The following ENPP6 variants were observed in gnomAD, a reference collection of about 807,000 sequenced individuals.
ENPP6 encodes the protein ectonucleotide pyrophosphatase/phosphodiesterase 6.
ENPP6 carries 32 observed loss-of-function variants against 42.0 expected under a neutral mutation model. The observed-to-expected ratio is 0.76, with a 90% CI of 0.58 to 1.02. ENPP6 has a LOEUF of 1.02. ENPP6 is among the 50% of genes least tolerant of loss of function. The pLI, the probability that ENPP6 is intolerant of heterozygous loss-of-function variation, is 0.00. For synonymous variants in ENPP6, 213 were observed against 216.0 expected (o/e 0.99, Z 0.12); for missense variants, 552 against 566.8 (o/e 0.97, Z 0.27).
At chr4:184,207,182 G>T (rs1733015478) in intron 1 of ENPP6, among the ~76,000 whole-genome samples, 1 of 152,204 alleles carries the variant, frequency 6.6e-6, no homozygotes, top group Non-Finnish European at 1.5e-5. Context: ...ACTTATTTCA[G>T]CATCTGTTCA....
intron 1 of ENPP6, among the ~76,000 whole-genome samples, chr4:184,209,094 G>A (rs866707104): frequency 0.018 from 2,629 of 146,238 alleles, 47 homozygotes; most frequent in South Asian, 0.03. Flanking sequence ...GTACATCACC[G>A]TCATCAAAGA....
At chr4:184,131,824 C>CACACAT (rs1553996114) in intron 2 of ENPP6, among the ~76,000 whole-genome samples, 4 of 140,462 alleles carry the variant, frequency 2.8e-5, no homozygotes, top group African/African-American at 9.1e-5. Flanking sequence ...CACACACACA[C>CACACAT]ATATATATAT....
In ENPP6 at chr4:184,091,282, G is replaced by A. The variant is rs150978647; in HGVS notation, c.1218C>T (p.Ser406=). 6.2e-7 allele frequency: 1 copy of A among 1,613,844 alleles called. No homozygotes were observed. Among genetic ancestry groups the A allele is most frequent in the Non-Finnish European group, 8.5e-7 (1 of 1,179,968 alleles). Reference sequence around the variant, plus strand: ...TCAGCATGCACATCACCCTGGACCAGGATCCGTTGTTGGGCAGCGGGGTGA... The same window carrying A: ...TCAGCATGCACATCACCCTGGACCAAGATCCGTTGTTGGGCAGCGGGGTGA... ...VGITPLPNNG[S]WSRVMCMLKG... Residue 406 remains serine (S), a synonymous_variant, in exon 8 of 8, where the codon TCC becomes TCT. Coordinates refer to ENST00000296741, the MANE Select transcript of ENPP6 (RefSeq NM_153343.4).
chr4:184,147,893 C>A (rs551702518), intron 2 of ENPP6, among the ~76,000 whole-genome samples: 2 of 152,202 alleles, frequency 1.3e-5, no homozygotes, highest in South Asian at 2.1e-4. Context: ...CTCCTCCCTT[C>A]TTTCAGTGTC....
chr4:184,174,556 T>C (rs1285997605), intron 1 of ENPP6, among the ~76,000 whole-genome samples: 3 of 96,834 alleles, frequency 3.1e-5, no homozygotes, highest in Non-Finnish European at 7.1e-5. Context: ...TATCCTCCCA[T>C]TGACCTTCTG....
At chr4:184,117,963 C>G in intron 3 of ENPP6, 63 bp from the exon 4 acceptor site, 1 of 1,569,370 alleles carries the variant, frequency 6.4e-7, no homozygotes, top group Middle Eastern at 2.1e-4. Context: ...TCCCTTATCA[C>G]CCCCATAGCA....
At chr4:184,211,081 C>T (rs1270213071) in intron 1 of ENPP6, among the ~76,000 whole-genome samples, 1 of 149,976 alleles carries the variant, frequency 6.7e-6, no homozygotes, top group African/African-American at 2.5e-5. Context: ...GGGATGCATT[C>T]AAAGCAGTGT....
chr4:184,162,245 T>C (rs960778048), intron 1 of ENPP6, among the ~76,000 whole-genome samples: 2 of 152,174 alleles, frequency 1.3e-5, no homozygotes, highest in African/African-American at 2.4e-5. Context: ...TCCAGTGTTC[T>C]TGTTCAACTT....
chr4:184,213,572 T>C (rs1733151534), intron 1 of ENPP6, among the ~76,000 whole-genome samples: 1 of 151,030 alleles, frequency 6.6e-6, no homozygotes, highest in Non-Finnish European at 1.5e-5. Context: ...ATGGCAATCA[T>C]TAAAAACTCA....
At chr4:184,141,593 T>G (rs975509978) in intron 2 of ENPP6, among the ~76,000 whole-genome samples, 1 of 152,190 alleles carries the variant, frequency 6.6e-6, no homozygotes, top group Non-Finnish European at 1.5e-5. Flanking sequence ...GGAAATGCCC[T>G]TAATTAGGGC....
Position 184,217,674 on chromosome 4 carries a change from C to G in ENPP6, c.146G>C (p.Gly49Ala), listed in dbSNP as rs756834646. 1.3e-5 allele frequency: 21 copies of G among 1,614,090 alleles called. No homozygotes were observed. The Admixed American group carries it at 2.7e-4, about 20-fold the overall frequency. The part of the protein sequence containing the change: ...ISDEALESLP[G>A]FKEIVSRGVK... ...TCCCCTGCTCACAATCTCTTTGAAA[C>G]CAGGCAATGACTCCAGCGCCTCATC... is the stretch of plus-strand genomic sequence containing the variant. Residue 49 changes from glycine to alanine, a missense_variant, in exon 1 of 8, where the codon GGT becomes GCT. Coordinates refer to ENST00000296741, the MANE Select transcript of ENPP6 (RefSeq NM_153343.4).
intron 1 of ENPP6, among the ~76,000 whole-genome samples, chr4:184,163,055 G>A (rs2111085790): frequency 6.6e-6 from 1 of 152,314 alleles, no homozygotes; most frequent in Non-Finnish European, 1.5e-5. Flanking sequence ...ACCAGAGGAG[G>A]GCAGACAGGC....
intron 1 of ENPP6, among the ~76,000 whole-genome samples, chr4:184,197,833 A>G (rs1732827786): frequency 6.6e-6 from 1 of 152,234 alleles, no homozygotes; most frequent in African/African-American, 2.4e-5. Context: ...GGTTTGGGAC[A>G]AGGCCAGCCA....
At chr4:184,133,698 A>ATT (rs35142222) in intron 2 of ENPP6, among the ~76,000 whole-genome samples, 255 of 147,900 alleles carry the variant, frequency 1.7e-3, no homozygotes, top group South Asian at 5.9e-3. Flanking sequence ...GTTTGCTGTC[A>ATT]TTTTTTTTTT....
At chr4:184,145,624 C>T (rs1010590748) in intron 2 of ENPP6, among the ~76,000 whole-genome samples, 1 of 152,234 alleles carries the variant, frequency 6.6e-6, no homozygotes, top group Admixed American at 6.5e-5. Context: ...ACAGGCCACA[C>T]AAGAAAACCA....
At chr4:184,191,065 C>T (rs894131755) in intron 1 of ENPP6, among the ~76,000 whole-genome samples, 6 of 152,198 alleles carry the variant, frequency 3.9e-5, no homozygotes, top group African/African-American at 4.8e-5. Context: ...GCGTATGCCA[C>T]GTGCATATGC....
chr4:184,104,306 T>C (rs1340227020), intron 6 of ENPP6, among the ~76,000 whole-genome samples: 2 of 152,250 alleles, frequency 1.3e-5, no homozygotes, highest in East Asian at 1.9e-4. Context: ...GCATTTCATA[T>C]CCTTTTCCAG....
chr4:184,101,833 T>C (rs150086457), intron 6 of ENPP6, among the ~76,000 whole-genome samples: 51 of 152,324 alleles, frequency 3.3e-4, no homozygotes, highest in African/African-American at 1.2e-3. Context: ...AGGACCCTCC[T>C]TGATGAGCCC....
At chr4:184,214,007 G>A (rs966178611) in intron 1 of ENPP6, among the ~76,000 whole-genome samples, 10 of 130,942 alleles carry the variant, frequency 7.6e-5, no homozygotes, top group East Asian at 2.1e-4. Flanking sequence ...ACCAAACACC[G>A]CATATTCTCA....
Sources: gnomAD v4.1 joint callset for allele counts (sites outside exome capture counted in the v4.1 genomes callset) on GRCh38, gnomAD v4.1.1 for gene constraint, MANE v1.5 for transcripts, NCBI Gene and HGNC (gene_info 2026-07-23, HGNC 2026-07-21) for gene names.